Variants in ELP1 observed in about 807,000 individuals in gnomAD.
The protein encoded by ELP1 is elongator acetyltransferase complex subunit 1, also known as elongator complex protein 1.
Under a neutral mutation model 183.2 loss-of-function variants are expected in ELP1, and 131 were observed. The observed-to-expected ratio is 0.72, with a 90% CI of 0.62 to 0.83. The LOEUF (loss-of-function observed/expected upper bound fraction) is 0.83, where lower values mean the gene tolerates loss of function less well. Ranked by LOEUF, ELP1 falls within the 40% of genes least tolerant of loss-of-function variation. ELP1 has a pLI of 0.00. For missense variants in ELP1, 1,550 were observed against 1,594.9 expected (o/e 0.97, Z 0.48); for synonymous variants, 555 against 569.0 (o/e 0.98, Z 0.35).
At position 108,869,925 on chromosome 9, in the gene ELP1, G is replaced by A. The variant is rs373328797; in HGVS notation, c.3932-743C>T. Among the ~76,000 whole-genome samples, 4 of 152,274 alleles carry A rather than the reference G, an allele frequency of 2.6e-5. No individual in the cohort carries two copies. In the South Asian group the frequency reaches 6.2e-4, roughly 24 times the overall value. The stretch of plus-strand genomic sequence containing the variant: ...GAAAAATTACAGTTGATCCTTGAAT[G>A]TAGGGTTATGGGTGCGGACCCCCCT... On this transcript the variant is annotated intron_variant, in intron 36 of 36. Transcript: ENST00000374647.
At chr9:108,919,378 C>G in intron 6 of ELP1, 29 bp from the exon 7 acceptor site, 1 of 1,448,716 alleles carries the variant, frequency 6.9e-7, no homozygotes, top group Non-Finnish European at 9.7e-7. Flanking sequence ...ACCAATATTA[C>G]TGGGGGACCT....
chr9:108,900,364 C>A lies in ELP1; in HGVS notation c.2026G>T (p.Gly676Cys), dbSNP rs537930129. 1 of 1,613,778 alleles carries A rather than the reference C, an allele frequency of 6.2e-7. No individual in the cohort carries two copies. The highest frequency in any genetic ancestry group is 1.1e-5 in the South Asian group (1 of 91,070). Reference protein sequence around the residue: ...RDASFKTLQAGLSSNHVSHGE... With the variant: ...RDASFKTLQACLSSNHVSHGE... The stretch of plus-strand genomic sequence containing the variant: ...TGGGACACATGATTGCTGCTCAGGC[C>A]GGCCTGTAATGCTAAACACACCATT... The change falls in exon 19 of 37, where the codon GGC becomes TGC. Residue 676 changes from glycine to cysteine, a missense_variant. By Grantham distance (159) the Gly-to-Cys change is radical. Coordinates refer to ENST00000374647, the MANE Select transcript of ELP1 (RefSeq NM_003640.5).
At chr9:108,903,822 TATACACACAC>T (rs1323899854) in intron 14 of ELP1, among the ~76,000 whole-genome samples, 153 bp from the exon 15 acceptor site, 1 of 55,152 alleles carries the variant, frequency 1.8e-5, no homozygotes, top group Non-Finnish European at 4.1e-5. Context: ...CACCCAATAC[TATACACACAC>T]ACACACACAC....
chr9:108,892,470 G>A (rs1371472169), intron 27 of ELP1, among the ~76,000 whole-genome samples: 1 of 152,228 alleles, frequency 6.6e-6, no homozygotes, highest in Non-Finnish European at 1.5e-5. Context: ...GGCATGGGCA[G>A]GGTGGTCAGG....
chr9:108,929,991 A>C lies in ELP1; in HGVS notation c.151-70T>G. The C allele has an allele frequency of 2.0e-6, 3 of 1,492,930 alleles. No individual in the cohort carries two copies. In the South Asian group the frequency reaches 3.4e-5, roughly 17 times the overall value. The allele number at this position is 1,492,930 out of a possible 1,614,324, so 92.5% of individuals were successfully genotyped here. On this transcript the variant is annotated intron_variant, in intron 2 of 36. Transcript: ENST00000374647. ...AAGAATAATTGATAACATTTCCAGA[A>C]ATACTTTTTAATGCTTCTTTTATTA...
chr9:108,903,440 G>C, intron 15 of ELP1, 123 bp downstream of exon 15: 1 of 743,348 alleles, frequency 1.3e-6, no homozygotes, highest in South Asian at 1.5e-5. Flanking sequence ...AAAGCTTAGG[G>C]TTTTCCAGGG....
rs757233952 is a variant in ELP1 at position 108,897,011 on chromosome 9, A to G, written c.2529T>C (p.His843=). ...HKYCLSILTS[H]VKKTTPELEI... is the part of the protein sequence containing the mutation. ...CCAGTTCTGGGGTTGTCTTCTTTAC[A>G]TGAGATGTAAGTATGGATAGGCAGT... Residue 843 remains histidine (H), a synonymous_variant, in exon 24 of 37, where the codon CAT becomes CAC. Transcript: ENST00000374647. 1.5e-5 allele frequency: 25 copies of G among 1,614,006 alleles called. No homozygotes were observed. Among genetic ancestry groups the G allele is most frequent in the Admixed American group, 3.3e-5 (2 of 59,998 alleles).
intron 36 of ELP1, among the ~76,000 whole-genome samples, chr9:108,869,737 C>A (rs1166752248): frequency 1.3e-5 from 2 of 152,110 alleles, no homozygotes; most frequent in Non-Finnish European, 2.9e-5. Flanking sequence ...CTAAAACTCC[C>A]AGGCACTCTT....
At chr9:108,899,667 T>C (rs1295144051) in intron 20 of ELP1, among the ~76,000 whole-genome samples, 155 bp downstream of exon 20, 2 of 138,632 alleles carry the variant, frequency 1.4e-5, no homozygotes, top group Admixed American at 1.4e-4. Flanking sequence ...GTAAAAAAGT[T>C]AAAAAAAAAA....
chr9:108,902,823 C>G lies in ELP1; in HGVS notation c.1854+16G>C. 3 of 1,588,586 alleles carry G rather than the reference C, an allele frequency of 1.9e-6. No individual in the cohort carries two copies. Among genetic ancestry groups the G allele is most frequent in the Non-Finnish European group, 2.6e-6 (3 of 1,156,850 alleles). ...GTAACTACTTTAAGTAAATTTCCTGCTCCGTGTTCACCTACCTCTTCTCCA... is the reference window on the plus strand; with the variant it reads ...GTAACTACTTTAAGTAAATTTCCTGGTCCGTGTTCACCTACCTCTTCTCCA... On this transcript the variant is annotated intron_variant, in intron 16 of 36. Coordinates refer to ENST00000374647, the MANE Select transcript of ELP1 (RefSeq NM_003640.5).
At chr9:108,919,195 T>G in intron 7 of ELP1, 58 bp downstream of exon 7, 1 of 1,263,272 alleles carries the variant, frequency 7.9e-7, no homozygotes, top group Non-Finnish European at 1.1e-6. Flanking sequence ...AAAATTTTCC[T>G]TAATTTTAAT....
Position 108,876,931 on chromosome 9 carries a change from A to G in ELP1, c.3855+1064T>C, listed in dbSNP as rs970372665. On this transcript the variant is annotated intron_variant, in intron 35 of 36. Coordinates refer to ENST00000374647, the MANE Select transcript of ELP1 (RefSeq NM_003640.5). ...TTTTTAGTAGAGACGGGGCTTCTCC[A>G]TGTTGGCCACATTAGTCACGAACTC... Among the ~76,000 whole-genome samples the G allele has an allele frequency of 3.9e-5, 6 of 152,008 alleles. No individual in the cohort carries two copies. The East Asian group carries it at 9.7e-4, about 24-fold the overall frequency.
At chr9:108,896,395 A>T in intron 25 of ELP1, 101 bp downstream of exon 25, 1 of 1,065,670 alleles carries the variant, frequency 9.4e-7, no homozygotes, top group Non-Finnish European at 1.4e-6. Context: ...CTGCACTCAC[A>T]GAGTGATAGC....
chr9:108,871,285 ATG>A (rs145032672), intron 36 of ELP1, among the ~76,000 whole-genome samples: 13,006 of 151,788 alleles, frequency 0.086, 791 homozygotes, highest in African/African-American at 0.17. Context: ...TGAATTAGAG[ATG>A]TGTGTTTGGG....
At chr9:108,909,614 T>C (rs1477425499) in intron 12 of ELP1, among the ~76,000 whole-genome samples, 1 of 152,210 alleles carries the variant, frequency 6.6e-6, no homozygotes, top group African/African-American at 2.4e-5. Flanking sequence ...TTTTACTTCA[T>C]GGATTTGTTA....
chr9:108,930,812 CA>C (rs1829977984), intron 2 of ELP1, among the ~76,000 whole-genome samples, 184 bp downstream of exon 2: 1 of 151,794 alleles, frequency 6.6e-6, no homozygotes, highest in African/African-American at 2.4e-5. Flanking sequence ...AAAATAGCAG[CA>C]GAGTTAAAGA....
intron 6 of ELP1, among the ~76,000 whole-genome samples, chr9:108,921,113 GA>G (rs1427272620): frequency 1.3e-5 from 2 of 151,914 alleles, no homozygotes; most frequent in East Asian, 1.9e-4. Flanking sequence ...TGCACCTTGG[GA>G]TTTTTTTTTG....
At chr9:108,916,384 C>T (rs1829434986) in intron 9 of ELP1, 87 bp from the exon 10 acceptor site, 1 of 1,045,080 alleles carries the variant, frequency 9.6e-7, no homozygotes, top group Non-Finnish European at 1.5e-6. Context: ...TCTCTCAAAT[C>T]AAATAATCCC....
At chr9:108,880,260 C>A in intron 31 of ELP1, 95 bp from the exon 32 acceptor site, 1 of 814,028 alleles carries the variant, frequency 1.2e-6, no homozygotes, top group Non-Finnish European at 2.1e-6. Flanking sequence ...TAAAATTCAG[C>A]AAAAAGAAAG....
Sources: gnomAD v4.1 joint callset for allele counts (sites outside exome capture counted in the v4.1 genomes callset) on GRCh38, gnomAD v4.1.1 for gene constraint, MANE v1.5 for transcripts, NCBI Gene and HGNC (gene_info 2026-07-23, HGNC 2026-07-21) for gene names.